The following ANK3 variants were observed in gnomAD, a reference collection of about 807,000 sequenced individuals.
ANK3 encodes the protein ankyrin 3.
In ANK3, 57 loss-of-function variants were observed where a neutral mutation model predicts 370.9. The ratio of observed to expected loss-of-function variants is 0.15; its 90% CI spans 0.12 to 0.19. The LOEUF is 0.19. Among genes scored for constraint, ANK3 ranks in the 10% least tolerant of loss-of-function variants. The pLI is 1.00. For missense variants in ANK3, 4,439 were observed against 5,302.1 expected (o/e 0.84, Z 5.06); for synonymous variants, 1,929 against 1,946.3 (o/e 0.99, Z 0.23).
intron 2 of ANK3, among the ~76,000 whole-genome samples, chr10:60,604,043 T>C (rs1349518344): frequency 2.6e-5 from 4 of 152,194 alleles, no homozygotes; most frequent in Non-Finnish European, 4.4e-5. Context: ...AAGTAAAAGA[T>C]GGCTCCAAAG....
In ANK3 at chr10:60,054,722, C is replaced by G. The variant is rs549429807; in HGVS notation, c.13065+936G>C. Among the ~76,000 whole-genome samples, 6 of 152,250 alleles carry G rather than the reference C, an allele frequency of 3.9e-5. No homozygotes were observed. The East Asian group carries it at 1.2e-3, about 29-fold the overall frequency. ...CTTGAACTCATTATTTCAGAAAAGA[C>G]TTGTTTTTTCCTCCCAAAACACTAA... On this transcript the variant is annotated intron_variant, in intron 42 of 43. Coordinates refer to ENST00000280772, the MANE Select transcript of ANK3 (RefSeq NM_020987.5).
At chr10:60,624,672 C>T (rs1415414521) in intron 1 of ANK3, among the ~76,000 whole-genome samples, 1 of 149,734 alleles carries the variant, frequency 6.7e-6, no homozygotes, top group Non-Finnish European at 1.5e-5. Flanking sequence ...AACTTTACAC[C>T]AACCAACACA....
chr10:60,310,562 T>C (rs1275392251), intron 1 of ANK3, among the ~76,000 whole-genome samples: 2 of 152,162 alleles, frequency 1.3e-5, no homozygotes, highest in African/African-American at 4.8e-5. Flanking sequence ...GAACTAAAAA[T>C]GCATGTATTA....
At chr10:60,691,540 A>T (rs2133403398) in intron 1 of ANK3, among the ~76,000 whole-genome samples, 1 of 152,284 alleles carries the variant, frequency 6.6e-6, no homozygotes. Context: ...TACTTAAACT[A>T]ACGGCATGTC....
intron 38 of ANK3, among the ~76,000 whole-genome samples, chr10:60,064,820 C>T (rs182175958): frequency 9.1e-4 from 139 of 152,240 alleles, no homozygotes; most frequent in African/African-American, 3.2e-3. Context: ...TGAGATTGTG[C>T]CACTGCACTT....
At chr10:60,330,788 A>G (rs2051054770) in intron 1 of ANK3, among the ~76,000 whole-genome samples, 1 of 152,202 alleles carries the variant, frequency 6.6e-6, no homozygotes, top group South Asian at 2.1e-4. Context: ...AGGATTATAA[A>G]TCATTCTACT....
chr10:60,032,826 C>G (rs891493993), intron 43 of ANK3, among the ~76,000 whole-genome samples: 4 of 152,134 alleles, frequency 2.6e-5, no homozygotes, highest in African/African-American at 9.7e-5. Flanking sequence ...CCCAACCACA[C>G]TGGGTACAGG....
chr10:60,426,018 C>T (rs1049317138), intron 2 of ANK3, among the ~76,000 whole-genome samples: 1 of 152,066 alleles, frequency 6.6e-6, no homozygotes, highest in Non-Finnish European at 1.5e-5. Flanking sequence ...AAAAAGAGTA[C>T]TTGACTAAGA....
At position 60,141,051 on chromosome 10, in the gene ANK3, T is replaced by A. The variant is rs1368066704; in HGVS notation, c.2615-1964A>T. 11 of 983,852 alleles carry A rather than the reference T, an allele frequency of 1.1e-5. No individual in the cohort carries two copies. In the South Asian group the frequency reaches 2.8e-4, roughly 25 times the overall value. 60.9% of individuals were successfully genotyped at this position (983,852 alleles called of 1,614,324 possible). ...GGGAGCCTCAGTTATTTATGGTCCC[T>A]GTCAGGTGGAAGGAGGGGAAAAAGA... On this transcript the variant is annotated intron_variant, in intron 23 of 43. Transcript: ENST00000280772.
chr10:60,365,410 A>C (rs2059259174), intron 1 of ANK3, among the ~76,000 whole-genome samples: 1 of 152,188 alleles, frequency 6.6e-6, no homozygotes. Flanking sequence ...TTTGTTGTAA[A>C]ATAAATCTCT....
chr10:60,714,882 A>G (rs1436780760), intron 1 of ANK3, among the ~76,000 whole-genome samples: 1 of 152,200 alleles, frequency 6.6e-6, no homozygotes, highest in Non-Finnish European at 1.5e-5. Context: ...CAGCGAAATT[A>G]TTTAGCATAA....
At chr10:60,654,886 C>T (rs375938501) in intron 1 of ANK3, among the ~76,000 whole-genome samples, 1 of 152,086 alleles carries the variant, frequency 6.6e-6, no homozygotes. Context: ...ATACACTGCA[C>T]GTTGACATTT....
intron 1 of ANK3, among the ~76,000 whole-genome samples, chr10:60,727,809 G>A (rs1212051828): frequency 6.6e-6 from 1 of 151,990 alleles, no homozygotes; most frequent in East Asian, 1.9e-4. Flanking sequence ...TATTCTCAGT[G>A]TAAGAGCCCT....
intron 1 of ANK3, among the ~76,000 whole-genome samples, chr10:60,295,534 T>C (rs565579711): frequency 6.6e-6 from 1 of 152,306 alleles, no homozygotes; most frequent in Admixed American, 6.5e-5. Context: ...ATACAGGGAC[T>C]GAACCCACGA....
At chr10:60,079,105 C>A (rs189828121) in intron 36 of ANK3, among the ~76,000 whole-genome samples, 1 of 148,850 alleles carries the variant, frequency 6.7e-6, no homozygotes, top group East Asian at 2.0e-4. Flanking sequence ...ATCTCTAGGG[C>A]AAAATAGTAT....
intron 1 of ANK3, among the ~76,000 whole-genome samples, chr10:60,291,260 C>T (rs1054433838): frequency 2.0e-5 from 3 of 152,068 alleles, no homozygotes; most frequent in Admixed American, 6.6e-5. Context: ...GCCAGTTTCA[C>T]TTGTCTCTTA....
chr10:60,359,184 G>A (rs1410285031), intron 1 of ANK3, among the ~76,000 whole-genome samples: 1 of 152,030 alleles, frequency 6.6e-6, no homozygotes, highest in East Asian at 1.9e-4. Context: ...CTGCTTGCAT[G>A]CCATGTCTAC....
rs184938561 is a variant in ANK3, at chr10:60,222,882, A to G, written c.898-9372T>C. On this transcript the variant is annotated intron_variant, in intron 8 of 43. Transcript: ENST00000280772. ...AGCATTTCTTTGAAATCTTTTCACAAATTAAATGGAATCTTTCTACCTTCC... is the reference window on the plus strand; with the variant it reads ...AGCATTTCTTTGAAATCTTTTCACAGATTAAATGGAATCTTTCTACCTTCC... Among the ~76,000 whole-genome samples the G allele has an allele frequency of 1.8e-3, 269 of 152,248 alleles. 2 individuals are homozygous for G. Among genetic ancestry groups the G allele is most frequent in the Non-Finnish European group, 1.3e-4 (9 of 68,024 alleles).
At chr10:60,656,284 T>C (rs191380311) in intron 1 of ANK3, among the ~76,000 whole-genome samples, 30 of 152,356 alleles carry the variant, frequency 2.0e-4, no homozygotes, top group Admixed American at 1.8e-3. Flanking sequence ...TTGTTAAATG[T>C]ATTGGCATAA....
Sources: gnomAD v4.1 joint callset for allele counts (sites outside exome capture counted in the v4.1 genomes callset) on GRCh38, gnomAD v4.1.1 for gene constraint, MANE v1.5 for transcripts, NCBI Gene and HGNC (gene_info 2026-07-23, HGNC 2026-07-21) for gene names.